Variants in SRBD1 observed in about 807,000 individuals in gnomAD.
The protein encoded by SRBD1 is S1 RNA binding domain 1, also known as S1 RNA-binding domain-containing protein 1.
A neutral mutation model predicts 115.3 loss-of-function variants in SRBD1; 88 were observed. That is an observed-to-expected ratio of 0.76 (90% CI 0.64 to 0.91). SRBD1 has a LOEUF of 0.91. SRBD1 is among the 40% of genes least tolerant of loss of function. The probability of loss-of-function intolerance (pLI) is 0.00; values close to 1 mark genes in which losing one functional copy is unlikely to be tolerated. For synonymous variants in SRBD1, 509 were observed against 407.7 expected (o/e 1.25, Z -2.99); for missense variants, 1,385 against 1,177.4 (o/e 1.18, Z -2.58).
At chr2:45,610,884 C>G (rs1674426188) in intron 1 of SRBD1, among the ~76,000 whole-genome samples, 1 of 151,486 alleles carries the variant, frequency 6.6e-6, no homozygotes, top group African/African-American at 2.4e-5. Flanking sequence ...GCCGAGATCG[C>G]TCCACTACAC....
chr2:45,431,344 T>C (rs185804139), intron 16 of SRBD1, among the ~76,000 whole-genome samples: 96 of 152,238 alleles, frequency 6.3e-4, no homozygotes, highest in Admixed American at 1.4e-3. Flanking sequence ...ACACGTATGT[T>C]TATTGCAGCA....
At chr2:45,400,814 TATAGAGAGGTTAA>T (rs146887913) in intron 19 of SRBD1, among the ~76,000 whole-genome samples, 6,741 of 152,138 alleles carry the variant, frequency 0.044, 300 homozygotes, top group East Asian at 0.14. Context: ...AAAACTGAGG[TATAGAGAGGTTAA>T]ATAACATTCC....
At chr2:45,607,012 A>G (rs1434072001) in intron 1 of SRBD1, among the ~76,000 whole-genome samples, 1 of 152,244 alleles carries the variant, frequency 6.6e-6, no homozygotes, top group Non-Finnish European at 1.5e-5. Flanking sequence ...TCCAGTAAGT[A>G]CACAATGATT....
chr2:45,552,598 C>T (rs1672337439), intron 11 of SRBD1, among the ~76,000 whole-genome samples: 1 of 152,088 alleles, frequency 6.6e-6, no homozygotes, highest in Non-Finnish European at 1.5e-5. Flanking sequence ...TTTTAAATAA[C>T]ATAATTTTTT....
At chr2:45,526,991 G>A (rs1671463087) in intron 14 of SRBD1, among the ~76,000 whole-genome samples, 1 of 151,858 alleles carries the variant, frequency 6.6e-6, no homozygotes, top group Non-Finnish European at 1.5e-5. Flanking sequence ...TGCGATCTGG[G>A]AACACAGATC....
chr2:45,596,515 G>C (rs1673899051), intron 4 of SRBD1, among the ~76,000 whole-genome samples: 1 of 152,168 alleles, frequency 6.6e-6, no homozygotes, highest in Admixed American at 6.5e-5. Context: ...AATACTTTGA[G>C]TCAATTCTCA....
At chr2:45,492,499 C>T (rs1345452528) in intron 14 of SRBD1, among the ~76,000 whole-genome samples, 3 of 152,086 alleles carry the variant, frequency 2.0e-5, no homozygotes, top group Non-Finnish European at 4.4e-5. Flanking sequence ...AGTGCAGTGG[C>T]GCCATCTCCG....
intron 14 of SRBD1, among the ~76,000 whole-genome samples, chr2:45,530,965 C>T (rs1040206956): frequency 6.6e-6 from 1 of 151,808 alleles, no homozygotes; most frequent in African/African-American, 2.4e-5. Flanking sequence ...GACAAATGGG[C>T]AAGATGTACC....
At chr2:45,426,762 T>C (rs1668167073) in intron 16 of SRBD1, among the ~76,000 whole-genome samples, 1 of 152,130 alleles carries the variant, frequency 6.6e-6, no homozygotes, top group South Asian at 2.1e-4. Context: ...CAGAGGGGCC[T>C]ATTAGAAGGA....
At chr2:45,394,714 T>A (rs368464356) in intron 19 of SRBD1, among the ~76,000 whole-genome samples, 27 of 152,338 alleles carry the variant, frequency 1.8e-4, no homozygotes, top group African/African-American at 6.5e-4. Flanking sequence ...AAGTAGGGCA[T>A]CTCTTTGAAT....
At chr2:45,591,641 C>G (rs1430685598) in intron 4 of SRBD1, among the ~76,000 whole-genome samples, 2 of 152,172 alleles carry the variant, frequency 1.3e-5, no homozygotes, top group Non-Finnish European at 2.9e-5. Flanking sequence ...ACTTGATATC[C>G]TATACTCAAT....
chr2:45,562,540 G>T, intron 10 of SRBD1, 113 bp downstream of exon 10: 1 of 838,480 alleles, frequency 1.2e-6, no homozygotes, highest in Non-Finnish European at 1.7e-6. Flanking sequence ...CCTGTCACTG[G>T]CTTTTTAAAA....
intron 14 of SRBD1, among the ~76,000 whole-genome samples, chr2:45,516,004 T>C (rs1365111310): frequency 2.6e-5 from 4 of 152,196 alleles, no homozygotes; most frequent in Admixed American, 1.3e-4. Context: ...CTGTGTTACC[T>C]ATGTTTTTCT....
intron 16 of SRBD1, among the ~76,000 whole-genome samples, chr2:45,455,867 G>A (rs1669136266): frequency 6.6e-6 from 1 of 151,814 alleles, no homozygotes; most frequent in South Asian, 2.1e-4. Flanking sequence ...TGCTAACCCT[G>A]TGCATTTTTG....
intron 16 of SRBD1, among the ~76,000 whole-genome samples, chr2:45,431,010 CATTT>C (rs1233727827): frequency 6.6e-6 from 1 of 152,136 alleles, no homozygotes; most frequent in Non-Finnish European, 1.5e-5. Flanking sequence ...CAAAAGAAGA[CATTT>C]ATGCGGCCAA....
At chr2:45,552,860 G>A (rs898669486) in intron 11 of SRBD1, among the ~76,000 whole-genome samples, 1 of 152,174 alleles carries the variant, frequency 6.6e-6, no homozygotes, top group African/African-American at 2.4e-5. Flanking sequence ...CAATGGTCAA[G>A]TCCAGCAAAA....
At chr2:45,554,452 T>A (rs772106664) in intron 10 of SRBD1, among the ~76,000 whole-genome samples, 2 of 152,202 alleles carry the variant, frequency 1.3e-5, no homozygotes, top group Non-Finnish European at 2.9e-5. Context: ...TTCTGAGAGT[T>A]AAAGTAGACT....
At chr2:45,425,551 A>C (rs1668126385) in intron 16 of SRBD1, among the ~76,000 whole-genome samples, 1 of 152,152 alleles carries the variant, frequency 6.6e-6, no homozygotes, top group African/African-American at 2.4e-5. Context: ...GAACAACTCC[A>C]GTCTGCAGCT....
chr2:45,426,902 C>T (rs527662884), intron 16 of SRBD1, among the ~76,000 whole-genome samples: 1 of 152,146 alleles, frequency 6.6e-6, no homozygotes, highest in Non-Finnish European at 1.5e-5. Context: ...AAAACCAGCA[C>T]AAAAAGGCTG....
Sources: gnomAD v4.1 joint callset for allele counts (sites outside exome capture counted in the v4.1 genomes callset) on GRCh38, gnomAD v4.1.1 for gene constraint, MANE v1.5 for transcripts, NCBI Gene and HGNC (gene_info 2026-07-23, HGNC 2026-07-21) for gene names.